Variants in ETS1 observed in about 807,000 individuals in gnomAD.
The protein encoded by ETS1 is ETS proto-oncogene 1, transcription factor, also known as protein C-ets-1.
A neutral mutation model predicts 58.6 loss-of-function variants in ETS1; 15 were observed. That is an observed-to-expected ratio of 0.26 (90% CI 0.17 to 0.39). ETS1 has a LOEUF of 0.39. Ranked by LOEUF, ETS1 falls within the 10% of genes least tolerant of loss-of-function variation. ETS1 has a pLI of 1.00. For synonymous variants in ETS1, 214 were observed against 218.2 expected, an observed-to-expected ratio of 0.98 and a Z score of 0.17; for missense variants, 417 against 610.5, an observed-to-expected ratio of 0.68 and a Z score of 3.34.
intron 6 of ETS1, 75 bp from the exon 7 acceptor site, chr11:128,485,146 GC>G (rs1158978923): frequency 7.5e-7 from 1 of 1,328,814 alleles, no homozygotes; most frequent in African/African-American, 1.5e-5. Context: ...CATCTACAGG[GC>G]CCTATGATGT....
chr11:128,585,076 G>GAGAA (rs1864971931), intron 1 of ETS1, among the ~76,000 whole-genome samples: 1 of 5,910 alleles, frequency 1.7e-4, no homozygotes, highest in Non-Finnish European at 3.0e-4. Context: ...AAGAAAGAAA[G>GAGAA]AGAAAGAAAG....
chr11:128,492,418 T>C (rs1024678856), intron 3 of ETS1, among the ~76,000 whole-genome samples: 1 of 152,040 alleles, frequency 6.6e-6, no homozygotes, highest in African/African-American at 2.4e-5. Flanking sequence ...ACTGCTAGAG[T>C]CCAGGCTGTG....
chr11:128,496,444 C>T (rs1282082042), intron 3 of ETS1, among the ~76,000 whole-genome samples: 2 of 152,102 alleles, frequency 1.3e-5, no homozygotes, highest in Non-Finnish European at 2.9e-5. Context: ...CTGGCCAGCA[C>T]AGAAGGGCAG....
At position 128,459,852 on chromosome 11, in the gene ETS1, C is replaced by T. The variant is rs1262128462; in HGVS notation, c.*2509G>A. On this transcript the variant is annotated 3_prime_UTR_variant, in exon 10 of 10. Coordinates refer to ENST00000392668, the MANE Select transcript of ETS1 (RefSeq NM_001143820.2). ...GAGGCACTTTCTTATATCTTATCTG[C>T]TATAGGAACTGCAGGAGTTATACTC... 2 of 152,398 alleles carry T rather than the reference C, an allele frequency of 1.3e-5. No individual in the cohort carries two copies. Among genetic ancestry groups the T allele is most frequent in the African/African-American group, 4.8e-5 (2 of 41,420 alleles). The allele number at this position is 152,398 out of a possible 1,614,324, so 9.4% of individuals were successfully genotyped here. A position where few individuals can be genotyped will look rare whatever the true frequency, so the allele number is the denominator to read the frequency against.
chr11:128,488,780 A>C (rs1862710076), intron 5 of ETS1, among the ~76,000 whole-genome samples: 1 of 152,168 alleles, frequency 6.6e-6, no homozygotes. Context: ...CTCCAGATGT[A>C]AAAGGTATGA....
chr11:128,558,505 C>T lies in ETS1; in HGVS notation c.70-2070G>A, dbSNP rs528221400. Among the ~76,000 whole-genome samples the T allele has an allele frequency of 2.2e-4, 34 of 151,992 alleles. No homozygotes were observed. The East Asian group carries it at 4.4e-3, about 20-fold the overall frequency. On this transcript the variant is annotated intron_variant, in intron 2 of 9. Transcript: ENST00000392668. ...ACTAAAAATACAAAAATTAGCCAGG[C>T]GTGGTGGTGGGCGCCTGTAATCCCA...
intron 2 of ETS1, among the ~76,000 whole-genome samples, chr11:128,567,576 G>A (rs532106352): frequency 6.6e-6 from 1 of 152,212 alleles, no homozygotes; most frequent in Admixed American, 6.5e-5. Context: ...TTGATTTAGG[G>A]AGAGTGAAAG....
At chr11:128,576,774 C>T (rs570275390) in intron 1 of ETS1, among the ~76,000 whole-genome samples, 15 of 151,906 alleles carry the variant, frequency 9.9e-5, no homozygotes, top group Non-Finnish European at 1.8e-4. Flanking sequence ...CTTAGGCACG[C>T]GTTGCCAGGT....
intron 2 of ETS1, among the ~76,000 whole-genome samples, chr11:128,568,691 A>G (rs1864558626): frequency 1.3e-5 from 2 of 152,182 alleles, no homozygotes; most frequent in Non-Finnish European, 2.9e-5. Flanking sequence ...GTGCAAAACC[A>G]TGATTACCTG....
rs145366510 is a variant in ETS1, at chr11:128,477,518, G to A, written c.1123+2673C>T. ...CATCCGCTTCCCTATTCCCTAGGACGCATCTTAAATGAGGTTGGCGGGGGC... is the reference window on the plus strand; with the variant it reads ...CATCCGCTTCCCTATTCCCTAGGACACATCTTAAATGAGGTTGGCGGGGGC... On this transcript the variant is annotated intron_variant, in intron 8 of 9. Transcript: ENST00000392668. Among the ~76,000 whole-genome samples, 251 of 152,246 alleles carry A rather than the reference G, an allele frequency of 1.6e-3. 2 individuals are homozygous for A. The highest frequency in any genetic ancestry group is 6.8e-3 in the Middle Eastern group (2 of 294).
intron 8 of ETS1, among the ~76,000 whole-genome samples, chr11:128,466,292 CG>C (rs1241847844): frequency 6.6e-6 from 1 of 152,182 alleles, no homozygotes; most frequent in Non-Finnish European, 1.5e-5. Context: ...CTTTGGGGCA[CG>C]GGGTCTCATG....
Position 128,556,319 on chromosome 11 carries a change from A to T in ETS1, c.186T>A (p.Val62=). The T allele has an allele frequency of 1.2e-6, 2 of 1,613,354 alleles. No individual in the cohort carries two copies. ...AGACACAGTGTTCAAGACCAGTAGG[A>T]ACTTCCTGAGTTGCCATCTCATCCC... is the stretch of plus-strand genomic sequence containing the variant. The part of the protein sequence containing the change: ...PFWDEMATQE[V]PTGLEHCVSD... The change falls in exon 3 of 10, where the codon GTT becomes GTA. Residue 62 remains valine (V), a synonymous_variant. Transcript: ENST00000392668.
At chr11:128,465,348 G>A (rs534166814) in intron 8 of ETS1, among the ~76,000 whole-genome samples, 1 of 152,178 alleles carries the variant, frequency 6.6e-6, no homozygotes, top group Admixed American at 6.5e-5. Context: ...GGGCCGCACT[G>A]GTAAAGCCGT....
At position 128,462,326 on chromosome 11, in the gene ETS1, G is replaced by A. The variant is rs1861924155; in HGVS notation, c.*35C>T. The stretch of plus-strand genomic sequence containing the variant: ...CAACCAACACGGCTGTCCTTGGAAG[G>A]TCTCAGCAGGGTTTCCCCAGCCCCT... On this transcript the variant is annotated 3_prime_UTR_variant, in exon 10 of 10. Transcript: ENST00000392668. The A allele has an allele frequency of 6.6e-7, 1 of 1,516,426 alleles. No individual in the cohort carries two copies. Among genetic ancestry groups the A allele is most frequent in the Non-Finnish European group, 9.1e-7 (1 of 1,093,248 alleles). 93.9% of individuals were successfully genotyped at this position (1,516,426 alleles called of 1,614,324 possible).
intron 8 of ETS1, among the ~76,000 whole-genome samples, chr11:128,467,832 G>T (rs1420899298): frequency 6.6e-6 from 1 of 152,102 alleles, no homozygotes; most frequent in South Asian, 2.1e-4. Context: ...CAACAACAGA[G>T]GGGTCCCTGT....
intron 3 of ETS1, among the ~76,000 whole-genome samples, chr11:128,495,459 T>C (rs1862914203): frequency 6.6e-6 from 1 of 152,224 alleles, no homozygotes; most frequent in African/African-American, 2.4e-5. Flanking sequence ...CTATAATCTT[T>C]TCTTTTCCTG....
intron 1 of ETS1, among the ~76,000 whole-genome samples, chr11:128,580,606 A>C (rs575859885): frequency 1.3e-5 from 2 of 152,378 alleles, no homozygotes; most frequent in Non-Finnish European, 1.5e-5. Flanking sequence ...TTGCTTGACT[A>C]AGTAATCCAA....
intron 7 of ETS1, among the ~76,000 whole-genome samples, chr11:128,483,549 G>A (rs1862546178): frequency 6.6e-6 from 1 of 152,210 alleles, no homozygotes; most frequent in African/African-American, 2.4e-5. Context: ...CCAGAAAGGG[G>A]AAGGCCGACT....
intron 8 of ETS1, among the ~76,000 whole-genome samples, chr11:128,465,434 G>A (rs1245063532): frequency 6.6e-6 from 1 of 152,152 alleles, no homozygotes; most frequent in African/African-American, 2.4e-5. Context: ...GGTTTCTTGG[G>A]AGTTGCCTAA....
Sources: allele counts gnomAD v4.1 joint callset (sites outside exome capture counted in the v4.1 genomes callset), GRCh38; gene constraint gnomAD v4.1.1; transcripts MANE v1.5; gene names NCBI Gene and HGNC (gene_info 2026-07-23, HGNC 2026-07-21).